Variants in NUP214 observed in about 807,000 individuals in gnomAD.
NUP214 encodes the protein nuclear pore complex protein Nup214.
A neutral mutation model predicts 196.2 loss-of-function variants in NUP214; 79 were observed. The ratio of observed to expected loss-of-function variants is 0.40; its 90% CI spans 0.34 to 0.49. The LOEUF is 0.49. Among genes scored for constraint, NUP214 ranks in the 20% least tolerant of loss-of-function variants. The probability of loss-of-function intolerance (pLI) is 0.58; values close to 1 mark genes in which losing one functional copy is unlikely to be tolerated. For missense variants in NUP214, 2,468 were observed against 2,539.0 expected (o/e 0.97, Z 0.60); for synonymous variants, 1,020 against 990.5 (o/e 1.03, Z -0.56).
chr9:131,154,843 G>C (rs192100850), intron 17 of NUP214, among the ~76,000 whole-genome samples: 1 of 151,594 alleles, frequency 6.6e-6, no homozygotes, highest in Non-Finnish European at 1.5e-5. Flanking sequence ...GTGTGTGTGT[G>C]CGCACGCGCA....
intron 17 of NUP214, among the ~76,000 whole-genome samples, chr9:131,157,364 T>G (rs1832485132): frequency 6.6e-6 from 1 of 151,944 alleles, no homozygotes; most frequent in African/African-American, 2.4e-5. Context: ...CCTTGCTGTG[T>G]TGCCCAAGCA....
chr9:131,215,388 C>T lies in NUP214; in HGVS notation c.5749+20C>T. On this transcript the variant is annotated intron_variant, in intron 31 of 35. Transcript: ENST00000359428. Reference sequence around the variant, plus strand: ...CCTCAAGTAAGTTGAGAAGACTTTTCCCAGTCCCTTGGTCCCCTAATGCCA... The same window carrying T: ...CCTCAAGTAAGTTGAGAAGACTTTTTCCAGTCCCTTGGTCCCCTAATGCCA... 6.4e-7 allele frequency: 1 copy of T among 1,558,602 alleles called. No homozygotes were observed. Among genetic ancestry groups the T allele is most frequent in the Non-Finnish European group, 8.7e-7 (1 of 1,153,316 alleles).
intron 32 of NUP214, among the ~76,000 whole-genome samples, chr9:131,223,727 A>ATTTATTTATTTATTTATTTATTTAT: frequency 6.4e-5 from 1 of 15,660 alleles, no homozygotes; most frequent in African/African-American, 1.5e-4. Context: ...TTATTTATTT[A>ATTTATTTATTTATTTATTTATTTAT]TTTTTTTTTT....
In NUP214 at chr9:131,174,195, G is replaced by T. The variant is rs753876014; in HGVS notation, c.3034G>T (p.Ala1012Ser). Residue 1012 changes from alanine (A) to serine (S), a missense_variant, in exon 22 of 36, where the codon GCC becomes TCC. Transcript: ENST00000359428. ...TAAAGATGACGAGGCAGTGGTTCAGGCCCCTCGGCACGCCCCCGTGGTTCG... is the reference window on the plus strand; with the variant it reads ...TAAAGATGACGAGGCAGTGGTTCAGTCCCCTCGGCACGCCCCCGTGGTTCG... ...SCKDDEAVVQ[A>S]PRHAPVVRTP... The T allele has an allele frequency of 1.9e-6, 3 of 1,613,900 alleles. No individual in the cohort carries two copies. The highest frequency in any genetic ancestry group is 1.7e-4 in the Middle Eastern group (1 of 6,058).
chr9:131,208,301 A>T (rs552731970), intron 30 of NUP214, among the ~76,000 whole-genome samples: 1 of 152,270 alleles, frequency 6.6e-6, no homozygotes, highest in Non-Finnish European at 1.5e-5. Flanking sequence ...CATTATTCAC[A>T]GTAGCCAAAA....
At chr9:131,217,191 A>C (rs1367863530) in intron 31 of NUP214, among the ~76,000 whole-genome samples, 1 of 152,174 alleles carries the variant, frequency 6.6e-6, no homozygotes, top group Non-Finnish European at 1.5e-5. Context: ...CAAAAACCAA[A>C]CAAACAAAAA....
chr9:131,215,328 C>T lies in NUP214; in HGVS notation c.5709C>T (p.Phe1903=). The T allele has an allele frequency of 6.2e-7, 1 of 1,604,724 alleles. No individual in the cohort carries two copies. The highest frequency in any genetic ancestry group is 1.3e-5 in the African/African-American group (1 of 74,368). Residue 1903 remains phenylalanine, a synonymous_variant, in exon 31 of 36, where the codon TTC becomes TTT. Transcript: ENST00000359428. ...PSQDAANKNP[F]SSASGGFGST... is the part of the protein sequence containing the mutation. ...AGGATGCAGCCAACAAAAACCCATT[C>T]AGCTCGGCCAGTGGGGGCTTTGGAT...
chr9:131,212,595 G>A (rs1357836286), intron 30 of NUP214, among the ~76,000 whole-genome samples: 4 of 152,156 alleles, frequency 2.6e-5, no homozygotes, highest in Admixed American at 6.5e-5. Context: ...CTGGTTCCCC[G>A]ATAGCCATCC....
chr9:131,190,748 T>G (rs952637155), intron 26 of NUP214: 3 of 317,898 alleles, frequency 9.4e-6, no homozygotes, highest in Non-Finnish European at 1.7e-5. Flanking sequence ...GATCATGATT[T>G]CATGTATATC....
chr9:131,222,987 G>T, intron 32 of NUP214, 57 bp downstream of exon 32: 1 of 1,533,758 alleles, frequency 6.5e-7, no homozygotes, highest in Non-Finnish European at 8.9e-7. Context: ...TTTATGCATA[G>T]ATATCTGGAA....
chr9:131,226,971 G>A (rs1834740894), intron 32 of NUP214, among the ~76,000 whole-genome samples: 1 of 152,232 alleles, frequency 6.6e-6, no homozygotes, highest in Admixed American at 6.5e-5. Flanking sequence ...GAAAAGGCTT[G>A]TCGCTAGGCC....
chr9:131,171,016 C>A (rs1176456202), intron 21 of NUP214, among the ~76,000 whole-genome samples: 2 of 151,576 alleles, frequency 1.3e-5, no homozygotes, highest in African/African-American at 4.8e-5. Flanking sequence ...AGCTTTCTAC[C>A]TTTCCTTATC....
Position 131,125,766 on chromosome 9 carries a change from G to T in NUP214, c.45+17G>T. On this transcript the variant is annotated intron_variant, in intron 1 of 35. Coordinates refer to ENST00000359428, the MANE Select transcript of NUP214 (RefSeq NM_005085.4). The surrounding 1 kb of genome is among the most constrained non-coding windows in gnomAD (Gnocchi z 4.1). Reference sequence around the variant, plus strand: ...GAGATGAAGGTCAGAGACTAACCGGGGCCTCCCTCCCTTCTTTAGTCCTGG... The same window carrying T: ...GAGATGAAGGTCAGAGACTAACCGGTGCCTCCCTCCCTTCTTTAGTCCTGG... 4 of 1,550,862 alleles carry T rather than the reference G, an allele frequency of 2.6e-6. No homozygotes were observed. Among genetic ancestry groups the T allele is most frequent in the Non-Finnish European group, 3.5e-6 (4 of 1,146,610 alleles).
intron 9 of NUP214, 143 bp from the exon 10 acceptor site, chr9:131,139,138 G>C (rs1296203350): frequency 3.2e-6 from 3 of 931,954 alleles, no homozygotes; most frequent in Non-Finnish European, 4.3e-6. Context: ...GAGCCTCCTA[G>C]TCAACACCTG....
rs142501412 is a variant in NUP214, at chr9:131,190,926, A to G, written c.3575-1282A>G. ...ACCTTACTCATTTTAAGAGCTGTCTACAACCTCATTGTGTAGTTATACCCT... is the reference window on the plus strand; with the variant it reads ...ACCTTACTCATTTTAAGAGCTGTCTGCAACCTCATTGTGTAGTTATACCCT... On this transcript the variant is annotated intron_variant, in intron 26 of 35. Coordinates refer to ENST00000359428, the MANE Select transcript of NUP214 (RefSeq NM_005085.4). The G allele has an allele frequency of 5.0e-3, 766 of 153,120 alleles. 8 individuals carry two copies. The highest frequency in any genetic ancestry group is 0.018 in the African/African-American group (739 of 41,576). The allele number at this position is 153,120 out of a possible 1,614,324, so 9.5% of individuals were successfully genotyped here.
At chr9:131,196,204 G>T (rs1180103269) in intron 28 of NUP214, among the ~76,000 whole-genome samples, 1 of 151,758 alleles carries the variant, frequency 6.6e-6, no homozygotes, top group African/African-American at 2.4e-5. Flanking sequence ...TGTCATCCAG[G>T]CTGGAGTGTA....
Position 131,128,314 on chromosome 9 carries a change from A to AT in NUP214, c.242-11dup, listed in dbSNP as rs1378414733. 1.9e-6 allele frequency: 3 copies of AT among 1,601,786 alleles called. No individual in the cohort carries two copies. Among genetic ancestry groups the AT allele is most frequent in the Non-Finnish European group, 2.6e-6 (3 of 1,172,198 alleles). ...TAGAACATACCGTTTTCTGCTTTGTATTTTTTTGTTTTCATAGTTGATAAA... is the reference window on the plus strand; with the variant it reads ...TAGAACATACCGTTTTCTGCTTTGTATTTTTTTTGTTTTCATAGTTGATAAA... On this transcript the variant is annotated splice_polypyrimidine_tract_variant and intron_variant, in intron 2 of 35. Transcript: ENST00000359428.
At chr9:131,175,350 G>A (rs933068330) in intron 22 of NUP214, 110 bp from the exon 23 acceptor site, 6 of 1,254,278 alleles carry the variant, frequency 4.8e-6, no homozygotes, top group African/African-American at 1.5e-5. Flanking sequence ...CTATGTTAAC[G>A]CTAATTTTAG....
rs191138490 is a variant in NUP214 at position 131,206,184 on chromosome 9, C to T, written c.5592+4467C>T. On this transcript the variant is annotated intron_variant, in intron 30 of 35. Coordinates refer to ENST00000359428, the MANE Select transcript of NUP214 (RefSeq NM_005085.4). ...TTTTGAGACAGGGTTTTACTCCTGT[C>T]GTCAAGGCTGGAGTGCAGTGATGCG... Among the ~76,000 whole-genome samples, 10 of 73,086 alleles carry T rather than the reference C, an allele frequency of 1.4e-4. No individual in the cohort carries two copies. The East Asian group carries it at 2.0e-3, about 15-fold the overall frequency. The allele number at this position is 73,086 out of a possible 152,430, so 47.9% of individuals were successfully genotyped here. A position where few individuals can be genotyped will look rare whatever the true frequency, so the allele number is the denominator to read the frequency against.
Sources: gnomAD v4.1 joint callset for allele counts (sites outside exome capture counted in the v4.1 genomes callset) on GRCh38, gnomAD v4.1.1 for gene constraint, Gnocchi (gnomAD v3.1) non-coding constraint, MANE v1.5 for transcripts, NCBI Gene and HGNC (gene_info 2026-07-23, HGNC 2026-07-21) for gene names.